Variants in PXYLP1 observed in about 807,000 individuals in gnomAD.
PXYLP1 encodes 2-phosphoxylose phosphatase 1.
Under a neutral mutation model 37.9 loss-of-function variants are expected in PXYLP1, and 17 were observed. The ratio of observed to expected loss-of-function variants is 0.45; its 90% confidence interval spans 0.31 to 0.67. The LOEUF is 0.67. PXYLP1 is among the 30% of genes least tolerant of loss of function. PXYLP1 has a pLI of 0.07. For missense variants in PXYLP1, 511 were observed against 612.0 expected (o/e 0.84, Z 1.74); for synonymous variants, 221 against 232.2 (o/e 0.95, Z 0.44).
chr3:141,246,823 A>G (rs1254473437), intron 1 of PXYLP1, among the ~76,000 whole-genome samples: 1 of 152,210 alleles, frequency 6.6e-6, no homozygotes, highest in Admixed American at 6.5e-5. Flanking sequence ...TTATCCTCAT[A>G]GTCTGGAGGT....
intron 4 of PXYLP1, among the ~76,000 whole-genome samples, chr3:141,283,290 A>G (rs980530823): frequency 1.3e-5 from 2 of 151,952 alleles, no homozygotes; most frequent in African/African-American, 2.4e-5. Flanking sequence ...CCTAGTCTGT[A>G]TAATTTTGCA....
At chr3:141,248,599 A>ATATGTATATACACACATGTGTATATG (rs144332934) in intron 1 of PXYLP1, among the ~76,000 whole-genome samples, 1 of 70,764 alleles carries the variant, frequency 1.4e-5, no homozygotes, top group Non-Finnish European at 2.3e-5. Context: ...ACACACGTGT[A>ATATGTATATACACACATGTGTATATG]TATATACACA....
At chr3:141,291,441 T>C (rs1942201356) in intron 5 of PXYLP1, 1 of 152,236 alleles carries the variant, frequency 6.6e-6, no homozygotes, top group Non-Finnish European at 1.5e-5. Context: ...CTTCTACCCA[T>C]GTTCCATCCA....
intron 1 of PXYLP1, among the ~76,000 whole-genome samples, chr3:141,256,346 A>G (rs894867528): frequency 1.3e-5 from 2 of 152,216 alleles, no homozygotes; most frequent in Non-Finnish European, 2.9e-5. Flanking sequence ...ACAGAAAATA[A>G]GCAGCAGAGC....
At chr3:141,252,370 C>T (rs903300221) in intron 1 of PXYLP1, among the ~76,000 whole-genome samples, 2 of 152,180 alleles carry the variant, frequency 1.3e-5, no homozygotes, top group African/African-American at 4.8e-5. Context: ...CATGGTTATG[C>T]AGTCTGTAAG....
intron 5 of PXYLP1, among the ~76,000 whole-genome samples, chr3:141,289,075 G>A (rs1429434529): frequency 6.6e-6 from 1 of 152,164 alleles, no homozygotes; most frequent in Non-Finnish European, 1.5e-5. Flanking sequence ...TCAAATGCTT[G>A]TACCTAAATG....
At chr3:141,269,693 A>G (rs1217715374) in intron 2 of PXYLP1, among the ~76,000 whole-genome samples, 3 of 152,214 alleles carry the variant, frequency 2.0e-5, no homozygotes, top group Admixed American at 1.3e-4. Context: ...CAGGTTCTCA[A>G]AGATGAGGGT....
chr3:141,282,505 C>CACAT (rs1941978676), intron 4 of PXYLP1, among the ~76,000 whole-genome samples: 1 of 151,876 alleles, frequency 6.6e-6, no homozygotes, highest in African/African-American at 2.4e-5. Flanking sequence ...CACACACACA[C>CACAT]ACACACACAG....
intron 1 of PXYLP1, among the ~76,000 whole-genome samples, chr3:141,248,527 GTA>G (rs1336086048): frequency 7.1e-6 from 1 of 140,220 alleles, no homozygotes; most frequent in Non-Finnish European, 1.5e-5. Context: ...ACACACACAC[GTA>G]TATATATACA....
chr3:141,287,277 G>A, intron 4 of PXYLP1, 37 bp from the exon 5 acceptor site: 13 of 1,602,344 alleles, frequency 8.1e-6, no homozygotes, highest in African/African-American at 1.3e-5. Flanking sequence ...TTCTTGTGGA[G>A]CACTCTGACC....
chr3:141,290,661 A>G (rs948995176), intron 5 of PXYLP1, among the ~76,000 whole-genome samples: 1 of 152,218 alleles, frequency 6.6e-6, no homozygotes, highest in African/African-American at 2.4e-5. Flanking sequence ...CTAAATAGCT[A>G]GAACTTTGTA....
intron 1 of PXYLP1, among the ~76,000 whole-genome samples, chr3:141,246,843 C>T (rs1940971450): frequency 6.6e-6 from 1 of 152,210 alleles, no homozygotes; most frequent in Non-Finnish European, 1.5e-5. Context: ...TAGACCAGGC[C>T]CAGCTGGCTG....
At chr3:141,271,573 T>G (rs16851272) in intron 2 of PXYLP1, among the ~76,000 whole-genome samples, 31,376 of 152,126 alleles carry the variant, frequency 0.21, 4,335 homozygotes, top group African/African-American at 0.39. Context: ...AGCCAACACT[T>G]TAGCCTCATC....
In PXYLP1 at chr3:141,294,329, T is replaced by C. The variant is rs1185591480; in HGVS notation, c.*1124T>C. ...TTATGGCTCATTCCCTTTGACAAGC[T>C]GTAGAACTGGATTCATTTTTAAACC... On this transcript the variant is annotated 3_prime_UTR_variant, in exon 6 of 6. Transcript: ENST00000286353. 1 of 152,256 alleles carries C rather than the reference T, an allele frequency of 6.6e-6. No homozygotes were observed. The highest frequency in any genetic ancestry group is 1.9e-4 in the East Asian group (1 of 5,208). The allele number at this position is 152,256 out of a possible 1,614,324, so 9.4% of individuals were successfully genotyped here.
intron 2 of PXYLP1, among the ~76,000 whole-genome samples, chr3:141,268,202 AGAGAGTGT>A (rs1366008726): frequency 0.013 from 490 of 37,338 alleles, no homozygotes; most frequent in African/African-American, 0.027. Context: ...AGAGAGAGAG[AGAGAGTGT>A]GTGTGTGTGT....
At chr3:141,282,442 C>T (rs1941975353) in intron 4 of PXYLP1, among the ~76,000 whole-genome samples, 1 of 151,352 alleles carries the variant, frequency 6.6e-6, no homozygotes, top group Non-Finnish European at 1.5e-5. Flanking sequence ...TTAGCCTGCT[C>T]TTCTCTTTGC....
chr3:141,248,489 G>T (rs963278981), intron 1 of PXYLP1, among the ~76,000 whole-genome samples: 1 of 127,594 alleles, frequency 7.8e-6, no homozygotes, highest in Non-Finnish European at 1.5e-5. Flanking sequence ...CAATATGTGT[G>T]CGTGTGTGTA....
intron 4 of PXYLP1, among the ~76,000 whole-genome samples, chr3:141,279,823 C>T (rs1941904911): frequency 6.6e-6 from 1 of 152,210 alleles, no homozygotes; most frequent in African/African-American, 2.4e-5. Context: ...CCCCAGCTCA[C>T]CTGCTCCATT....
Position 141,279,354 on chromosome 3 carries a change from A to G in PXYLP1, c.239-24A>G, listed in dbSNP as rs750386405. The stretch of plus-strand genomic sequence containing the variant: ...GATTGACACCTATTGAGTGATAACC[A>G]GACAATGTGCTTCTCTCGCGCAGGT... On this transcript the variant is annotated intron_variant, in intron 3 of 5. Coordinates refer to ENST00000286353, the MANE Select transcript of PXYLP1 (RefSeq NM_001037172.3). 2.5e-6 allele frequency: 4 copies of G among 1,613,758 alleles called. No individual in the cohort carries two copies. The East Asian group carries it at 6.7e-5, about 27-fold the overall frequency.
Sources: allele counts gnomAD v4.1 joint callset (sites outside exome capture counted in the v4.1 genomes callset), GRCh38; gene constraint gnomAD v4.1.1; transcripts MANE v1.5; gene names NCBI Gene and HGNC (gene_info 2026-07-23, HGNC 2026-07-21).